Variants in REG1B observed in about 807,000 individuals in gnomAD.
REG1B encodes lithostathine-1-beta.
Under a neutral mutation model 20.4 loss-of-function variants are expected in REG1B, and 21 were observed. The observed-to-expected ratio is 1.03, with a 90% CI of 0.73 to 1.48. The LOEUF (loss-of-function observed/expected upper bound fraction) is 1.48, where lower values mean the gene tolerates loss of function less well. Ranked by LOEUF, REG1B falls within the 40% of genes most tolerant of loss-of-function variation. The pLI is 0.00. For missense variants in REG1B, 247 were observed against 197.2 expected (o/e 1.25, Z -1.51); for synonymous variants, 82 against 73.4 (o/e 1.12, Z -0.60).
At chr2:79,086,715 A>C (rs561732090) in intron 3 of REG1B, 97 bp downstream of exon 3, 2 of 1,345,282 alleles carry the variant, frequency 1.5e-6, no homozygotes, top group Non-Finnish European at 2.1e-6. Flanking sequence ...TAGGGAAGGG[A>C]TCAATCTTAT....
intron 2 of REG1B, 36 bp downstream of exon 2, chr2:79,087,513 A>T: frequency 1.2e-6 from 2 of 1,604,682 alleles, no homozygotes; most frequent in South Asian, 1.1e-5. Context: ...AAGAATTCAG[A>T]GTTGGGGTTG....
rs909429740 is a variant in REG1B at position 79,085,218 on chromosome 2, A to G, written c.499T>C (p.Ter167GlnextTer16). The G allele has an allele frequency of 1.2e-6, 2 of 1,611,612 alleles. No homozygotes were observed. Among genetic ancestry groups the G allele is most frequent in the East Asian group, 2.2e-5 (1 of 44,844 alleles). Residue 167 changes from the stop codon to glutamine (Q), a stop_lost, in exon 6 of 6, where the codon TAG becomes CAG. Coordinates refer to ENST00000305089, the MANE Select transcript of REG1B (RefSeq NM_006507.4). Reference protein sequence around the residue: ...KFSFVCKFKN* With the variant: ...KFSFVCKFKNQ ...AGACATCCATTTTTCAGCTTCCTCT[A>G]GTTTTTGAACTTGCAAACAAAGGAG...
intron 3 of REG1B, 97 bp downstream of exon 3, chr2:79,086,715 A>T (rs561732090): frequency 7.4e-7 from 1 of 1,345,282 alleles, no homozygotes. Flanking sequence ...TAGGGAAGGG[A>T]TCAATCTTAT....
intron 2 of REG1B, 24 bp from the exon 3 acceptor site, chr2:79,086,954 A>C (rs376912875): frequency 6.3e-6 from 10 of 1,589,058 alleles, no homozygotes; most frequent in South Asian, 1.1e-5. Context: ...AAAGGAGATA[A>C]TTAAGAAAGA....
At position 79,086,502 on chromosome 2, in the gene REG1B, G is replaced by A; in HGVS notation, c.186C>T (p.Leu62=). 1 of 1,613,428 alleles carries A rather than the reference G, an allele frequency of 6.2e-7. No homozygotes were observed. The highest frequency in any genetic ancestry group is 8.5e-7 in the Non-Finnish European group (1 of 1,179,926). The stretch of plus-strand genomic sequence containing the variant: ...TGCCTGAATTCATGTTCTGGCAATA[G>A]AGCTGTTGGAGAAGAAAATGGAGCA... The part of the protein sequence containing the change: ...EDPETWVDAD[L]YCQNMNSGNL... Residue 62 remains leucine (L), a splice_region_variant and synonymous_variant, in exon 4 of 6, where the codon CTC becomes CTT. Transcript: ENST00000305089.
Position 79,087,060 on chromosome 2 carries a change from C to T in REG1B, c.65-130G>A, listed in dbSNP as rs1377271852. On this transcript the variant is annotated intron_variant, in intron 2 of 5. Coordinates refer to ENST00000305089, the MANE Select transcript of REG1B (RefSeq NM_006507.4). ...TACAGTGAATACTGGGGCGATTGCT[C>T]ACTTCTGCCCTCCTGCATCCTATCT... The T allele has an allele frequency of 4.1e-6, 3 of 723,336 alleles. No homozygotes were observed. The Admixed American group carries it at 7.0e-5, about 17-fold the overall frequency. The allele number at this position is 723,336 out of a possible 1,614,324, so 44.8% of individuals were successfully genotyped here.
chr2:79,086,191 T>G, intron 4 of REG1B, 176 bp downstream of exon 4: 1 of 644,528 alleles, frequency 1.6e-6, no homozygotes, highest in Non-Finnish European at 2.6e-6. Context: ...CTTCAGCTCA[T>G]GTCTCTAACT....
chr2:79,086,508 T>G lies in REG1B; in HGVS notation c.184-4A>C, dbSNP rs1309563854. The G allele has an allele frequency of 6.2e-7, 1 of 1,613,238 alleles. No individual in the cohort carries two copies. Among genetic ancestry groups the G allele is most frequent in the African/African-American group, 1.3e-5 (1 of 74,994 alleles). ...AATTCATGTTCTGGCAATAGAGCTG[T>G]TGGAGAAGAAAATGGAGCACTCAGT... On this transcript the variant is annotated splice_region_variant and splice_polypyrimidine_tract_variant and intron_variant, in intron 3 of 5. Transcript: ENST00000305089.
chr2:79,086,429 G>C lies in REG1B; in HGVS notation c.259C>G (p.Leu87Val). ...TCATCAGTGCTACTCTCCTTAATCA[G>C]TGAGGCCACGAAGGCACCCTCCGCC... ...TQAEGAFVAS[L>V]IKESSTDDSN... The change falls in exon 4 of 6, where the codon CTG becomes GTG. Residue 87 changes from leucine (L) to valine (V), a missense_variant. Coordinates refer to ENST00000305089, the MANE Select transcript of REG1B (RefSeq NM_006507.4). The C allele has an allele frequency of 1.9e-6, 3 of 1,614,086 alleles. No individual in the cohort carries two copies. Among genetic ancestry groups the C allele is most frequent in the East Asian group, 2.2e-5 (1 of 44,870 alleles).
intron 1 of REG1B, 32 bp from the exon 2 acceptor site, chr2:79,087,690 G>T: frequency 7.2e-7 from 1 of 1,393,992 alleles, no homozygotes; most frequent in Non-Finnish European, 1.0e-6. Context: ...AGGGTTTGAA[G>T]AAGAGAGCAG....
rs2104019150 is a variant in REG1B, at chr2:79,087,624, G to A, written c.-12C>T. On this transcript the variant is annotated 5_prime_UTR_variant, in exon 2 of 6. Coordinates refer to ENST00000305089, the MANE Select transcript of REG1B (RefSeq NM_006507.4). ...TTGGTCTGAGCCATGCTTAGCGGCA[G>A]TGAATCTCTTGCTTAAGGAGCAAAT... The A allele has an allele frequency of 1.2e-6, 2 of 1,613,654 alleles. No individual in the cohort carries two copies. The highest frequency in any genetic ancestry group is 1.7e-5 in the Admixed American group (1 of 59,924).
At position 79,085,530 on chromosome 2, in the gene REG1B, G is replaced by T; in HGVS notation, c.395C>A (p.Ala132Asp). ...KSWDTGSPSS[A>D]NAGYCASLTS... is the part of the protein sequence containing the mutation. Reference sequence around the variant, plus strand: ...CAGGCTTGCACAGTAGCCAGCATTAGCACTGCTCGGGGATCCAGTGTCCCA... The same window carrying T: ...CAGGCTTGCACAGTAGCCAGCATTATCACTGCTCGGGGATCCAGTGTCCCA... Residue 132 changes from alanine (A) to aspartate (D), a missense_variant, in exon 5 of 6, where the codon GCT (alanine) becomes GAT (aspartate). Coordinates refer to ENST00000305089, the MANE Select transcript of REG1B (RefSeq NM_006507.4). 3 of 1,613,840 alleles carry T rather than the reference G, an allele frequency of 1.9e-6. No individual in the cohort carries two copies. The East Asian group carries it at 6.7e-5, about 36-fold the overall frequency.
chr2:79,086,746 C>T (rs761665860), intron 3 of REG1B, 66 bp downstream of exon 3: 5 of 1,464,950 alleles, frequency 3.4e-6, no homozygotes, highest in Non-Finnish European at 4.8e-6. Context: ...CCACAGAACA[C>T]ACTGCAAATT....
Position 79,085,613 on chromosome 2 carries a change from G to C in REG1B, c.322-10C>G. On this transcript the variant is annotated splice_polypyrimidine_tract_variant and intron_variant, in intron 4 of 5. Coordinates refer to ENST00000305089, the MANE Select transcript of REG1B (RefSeq NM_006507.4). ...AGTGCCAGCGGCGGTTCTAGATGGA[G>C]AAGGGCCAGAACAGGGGCCATGGTC... The C allele has an allele frequency of 6.3e-7, 1 of 1,586,654 alleles. No individual in the cohort carries two copies. The highest frequency in any genetic ancestry group is 8.6e-7 in the Non-Finnish European group (1 of 1,157,204).
intron 3 of REG1B, 138 bp downstream of exon 3, chr2:79,086,674 T>A: frequency 7.6e-7 from 1 of 1,314,760 alleles, no homozygotes; most frequent in Non-Finnish European, 1.1e-6. Context: ...TGGGATAAAG[T>A]AGATTGGGAA....
In REG1B at chr2:79,085,185, C is replaced by A. The variant is rs202194870; in HGVS notation, c.*31G>T. The A allele has an allele frequency of 1.5e-4, 224 of 1,532,318 alleles. 2 individuals are homozygous for A. The Middle Eastern group carries it at 2.7e-3, about 18-fold the overall frequency. The allele number at this position is 1,532,318 out of a possible 1,614,324, so 94.9% of individuals were successfully genotyped here. A position where few individuals can be genotyped will look rare whatever the true frequency, so the allele number is the denominator to read the frequency against. On this transcript the variant is annotated 3_prime_UTR_variant, in exon 6 of 6. Coordinates refer to ENST00000305089, the MANE Select transcript of REG1B (RefSeq NM_006507.4). ...TTTTGACTTCATAGTAATTGCAGGA[C>A]CAGTTCTAGACATCCATTTTTCAGC...
intron 4 of REG1B, chr2:79,086,032 T>C: frequency 3.1e-6 from 1 of 319,106 alleles, no homozygotes. Context: ...TAGATTCTCC[T>C]CCACTACTCA....
chr2:79,086,021 G>T (rs933371193), intron 4 of REG1B: 3 of 305,408 alleles, frequency 9.8e-6, no homozygotes, highest in Non-Finnish European at 1.8e-5. Context: ...AATGCCAGCA[G>T]TAGATTCTCC....
rs771872974 is a variant in REG1B at position 79,086,818 on chromosome 2, A to G, written c.177T>C (p.Asp59=). ...TGCTGCTCTCCTCACTCACATCTGC[A>G]TCAACCCAGGTCTCAGGGTCTTCAT... is the stretch of plus-strand genomic sequence containing the variant. ...YFNEDPETWV[D]ADLYCQNMNS... Residue 59 remains aspartate (D), a synonymous_variant, in exon 3 of 6, where the codon GAT becomes GAC. Coordinates refer to ENST00000305089, the MANE Select transcript of REG1B (RefSeq NM_006507.4). 6.2e-7 allele frequency: 1 copy of G among 1,613,432 alleles called. No individual in the cohort carries two copies. The highest frequency in any genetic ancestry group is 1.7e-5 in the Admixed American group (1 of 60,004).
Sources: allele counts gnomAD v4.1 joint callset, GRCh38; gene constraint gnomAD v4.1.1; transcripts MANE v1.5; gene names NCBI Gene and HGNC (gene_info 2026-07-23, HGNC 2026-07-21).